TAS2R1: variants seen among roughly 807,000 people sequenced by gnomAD.
The protein encoded by TAS2R1 is taste receptor type 2 member 1.
For synonymous variants in TAS2R1, 141 were observed against 134.2 expected (o/e 1.05, Z -0.35); for missense variants, 370 against 353.4 (o/e 1.05, Z -0.38).
At chr5:9,782,782 G>GAA in the TAS2R1 span, among the ~76,000 whole-genome samples, 1 of 150,212 alleles carries the variant, frequency 6.7e-6, no homozygotes, top group African/African-American at 2.4e-5. Flanking sequence ...TTGTCCAGTG[G>GAA]AAAAAAAAAA....
chr5:9,861,347 AT>A, the TAS2R1 span, among the ~76,000 whole-genome samples: 5 of 152,210 alleles, frequency 3.3e-5, no homozygotes, highest in Non-Finnish European at 7.4e-5. Context: ...TCCTGCATTC[AT>A]GCCTGTGTCA....
chr5:9,802,389 T>C, the TAS2R1 span, among the ~76,000 whole-genome samples: 1 of 152,012 alleles, frequency 6.6e-6, no homozygotes, highest in East Asian at 1.9e-4. Flanking sequence ...AAAGACCTCA[T>C]CAAAGGAGCA....
the TAS2R1 span, among the ~76,000 whole-genome samples, chr5:9,719,100 A>C: frequency 6.6e-6 from 1 of 152,236 alleles, no homozygotes. Context: ...TGTGTAAATC[A>C]ATAGTGTAAC....
At chr5:9,724,215 T>C in the TAS2R1 span, among the ~76,000 whole-genome samples, 1 of 152,218 alleles carries the variant, frequency 6.6e-6, no homozygotes, top group South Asian at 2.1e-4. Context: ...ACCATATTTG[T>C]GGCCCACCTT....
chr5:9,731,465 G>A, the TAS2R1 span, among the ~76,000 whole-genome samples: 2 of 152,042 alleles, frequency 1.3e-5, no homozygotes, highest in African/African-American at 2.4e-5. Flanking sequence ...CCCCCACCCA[G>A]CGGCTTCCTC....
chr5:9,784,861 C>A, the TAS2R1 span, among the ~76,000 whole-genome samples: 1 of 152,172 alleles, frequency 6.6e-6, no homozygotes, highest in Non-Finnish European at 1.5e-5. Context: ...GGGGTCCACC[C>A]TACTCTAGTA....
At chr5:9,811,880 C>G in the TAS2R1 span, among the ~76,000 whole-genome samples, 1 of 152,148 alleles carries the variant, frequency 6.6e-6, no homozygotes, top group Non-Finnish European at 1.5e-5. Context: ...TTCCCTCAAC[C>G]TTTCAACACA....
chr5:9,771,960 TTTTG>T, the TAS2R1 span, among the ~76,000 whole-genome samples: 35 of 152,050 alleles, frequency 2.3e-4, no homozygotes, highest in African/African-American at 6.0e-4. Flanking sequence ...CAACTTTTAA[TTTTG>T]TTTATCTTTT....
At chr5:9,832,059 A>G in the TAS2R1 span, among the ~76,000 whole-genome samples, 4 of 152,188 alleles carry the variant, frequency 2.6e-5, no homozygotes, top group Non-Finnish European at 4.4e-5. Flanking sequence ...TCTTTCATCT[A>G]CATAACCTGT....
chr5:9,871,250 C>T, the TAS2R1 span, among the ~76,000 whole-genome samples: 12 of 152,182 alleles, frequency 7.9e-5, no homozygotes, highest in Non-Finnish European at 1.6e-4. Flanking sequence ...AGGGCAGGAT[C>T]ACCTCCCCAG....
the TAS2R1 span, among the ~76,000 whole-genome samples, chr5:9,822,908 G>C: frequency 1.1e-4 from 16 of 151,142 alleles, no homozygotes; most frequent in East Asian, 1.9e-4. Context: ...TACTATGACA[G>C]AGATAACGTT....
chr5:9,710,310 C>A (rs1158790486), intron 1 of TAS2R1, among the ~76,000 whole-genome samples: 2 of 152,180 alleles, frequency 1.3e-5, no homozygotes, highest in African/African-American at 4.8e-5. Flanking sequence ...AAGGCCTGGG[C>A]CAGAGGATTG....
chr5:9,688,500 A>T (rs1446524674), intron 1 of TAS2R1, among the ~76,000 whole-genome samples: 1 of 152,156 alleles, frequency 6.6e-6, no homozygotes, highest in Non-Finnish European at 1.5e-5. Context: ...ACAGCCCCAT[A>T]GGAGCTGGTA....
At chr5:9,649,946 T>A (rs1333695504) in intron 2 of TAS2R1, among the ~76,000 whole-genome samples, 1 of 152,208 alleles carries the variant, frequency 6.6e-6, no homozygotes, top group East Asian at 1.9e-4. Flanking sequence ...AAACCAGGTA[T>A]ACTGGTCTGC....
the TAS2R1 span, among the ~76,000 whole-genome samples, chr5:9,872,952 A>T: frequency 1.3e-5 from 2 of 152,184 alleles, no homozygotes; most frequent in South Asian, 4.1e-4. Context: ...TAATAATTGC[A>T]ATCATTTTTT....
the TAS2R1 span, among the ~76,000 whole-genome samples, chr5:9,790,757 T>A: frequency 6.6e-6 from 1 of 152,256 alleles, no homozygotes; most frequent in South Asian, 2.1e-4. Flanking sequence ...GCCTCCTGAG[T>A]AGCTGGCATT....
the TAS2R1 span, among the ~76,000 whole-genome samples, chr5:9,765,892 A>G: frequency 6.6e-6 from 1 of 152,220 alleles, no homozygotes; most frequent in African/African-American, 2.4e-5. Context: ...AAAAGCATCA[A>G]TGTGTCAAAT....
the TAS2R1 span, among the ~76,000 whole-genome samples, chr5:9,741,897 G>GC: frequency 6.6e-6 from 1 of 151,306 alleles, no homozygotes; most frequent in Non-Finnish European, 1.5e-5. Flanking sequence ...AAACAAGACT[G>GC]TTTTTTTTTA....
chr5:9,739,394 T>A, the TAS2R1 span, among the ~76,000 whole-genome samples: 1 of 152,220 alleles, frequency 6.6e-6, no homozygotes, highest in Non-Finnish European at 1.5e-5. Flanking sequence ...GGAGGCACTA[T>A]GTGTTGGGCA....
Sources: gnomAD v4.1 joint callset for allele counts (sites outside exome capture counted in the v4.1 genomes callset) on GRCh38, gnomAD v4.1.1 for gene constraint, MANE v1.5 for transcripts, NCBI Gene and HGNC (gene_info 2026-07-23, HGNC 2026-07-21) for gene names.